Variants in ARHGAP35 observed in about 807,000 individuals in gnomAD.
ARHGAP35 encodes the protein rho GTPase-activating protein 35.
In ARHGAP35, 15 loss-of-function variants were observed where a neutral mutation model predicts 111.1. That is an observed-to-expected ratio of 0.13 (90% CI 0.09 to 0.21). The LOEUF is 0.21. Ranked by LOEUF, ARHGAP35 falls within the 10% of genes least tolerant of loss-of-function variation. The probability of loss-of-function intolerance (pLI) is 1.00; values close to 1 mark genes in which losing one functional copy is unlikely to be tolerated. For synonymous variants in ARHGAP35, 643 were observed against 710.3 expected (o/e 0.91, Z 1.51); for missense variants, 1,262 against 1,873.0 (o/e 0.67, Z 6.02).
At chr19:46,977,043 C>T (rs540165274) in intron 3 of ARHGAP35, among the ~76,000 whole-genome samples, 6 of 152,340 alleles carry the variant, frequency 3.9e-5, no homozygotes, top group African/African-American at 1.4e-4. Context: ...GTGTTACACT[C>T]ACTGTAAAAA....
intron 3 of ARHGAP35, among the ~76,000 whole-genome samples, chr19:46,960,318 C>T (rs554416877): frequency 6.6e-6 from 1 of 152,214 alleles, no homozygotes; most frequent in South Asian, 2.1e-4. Context: ...GAATACATGT[C>T]TCCTCCATGA....
At position 46,994,394 on chromosome 19, in the gene ARHGAP35, A is replaced by G. The variant is rs113953173; in HGVS notation, c.4036+4719A>G. Among the ~76,000 whole-genome samples the G allele has an allele frequency of 6.6e-6, 1 of 152,308 alleles. No homozygotes were observed. Among genetic ancestry groups the G allele is most frequent in the South Asian group, 2.1e-4 (1 of 4,824 alleles). ...ACAGACTGTGGCCCCAGCCTTCGGC[A>G]GCACCATAGGGTAGAAGGTGTCCAG... On this transcript the variant is annotated intron_variant, in intron 5 of 6. Coordinates refer to ENST00000672722, the MANE Select transcript of ARHGAP35 (RefSeq NM_004491.5). The surrounding 1 kb of genome is among the most constrained non-coding windows in gnomAD (Gnocchi z 5.4).
intron 1 of ARHGAP35, among the ~76,000 whole-genome samples, chr19:46,862,064 C>T (rs944676725): frequency 3.9e-5 from 6 of 152,160 alleles, no homozygotes; most frequent in African/African-American, 1.4e-4. Context: ...CTTCTCAGCT[C>T]TTGTTCCCGT....
At chr19:46,970,458 C>T (rs2056539826) in intron 3 of ARHGAP35, among the ~76,000 whole-genome samples, 1 of 152,188 alleles carries the variant, frequency 6.6e-6, no homozygotes, top group African/African-American at 2.4e-5. Context: ...AACCTAAGGT[C>T]TGTGGATAGG....
Position 47,001,604 on chromosome 19 carries a change from G to A in ARHGAP35, c.*916G>A, listed in dbSNP as rs1297761686. On this transcript the variant is annotated 3_prime_UTR_variant, in exon 7 of 7. Transcript: ENST00000672722. The surrounding 1 kb of genome is among the most constrained non-coding windows in gnomAD (Gnocchi z 5.4). Reference sequence around the variant, plus strand: ...CTTAGGTCTAGTCGCTAGATCCCCCGTTTTCCCAAGAAGAGGGTTCGAGCC... The same window carrying A: ...CTTAGGTCTAGTCGCTAGATCCCCCATTTTCCCAAGAAGAGGGTTCGAGCC... 9 of 375,098 alleles carry A rather than the reference G, an allele frequency of 2.4e-5. No homozygotes were observed. The highest frequency in any genetic ancestry group is 1.5e-4 in the East Asian group (2 of 13,716). 23.2% of individuals were successfully genotyped at this position (375,098 alleles called of 1,614,324 possible). A position where few individuals can be genotyped will look rare whatever the true frequency, so the allele number is the denominator to read the frequency against.
At chr19:46,866,711 C>T (rs1265314855) in intron 1 of ARHGAP35, among the ~76,000 whole-genome samples, 1 of 152,132 alleles carries the variant, frequency 6.6e-6, no homozygotes, top group Non-Finnish European at 1.5e-5. Flanking sequence ...GGGCTCTTTC[C>T]CTGGGAGATG....
At position 46,922,055 on chromosome 19, in the gene ARHGAP35, C is replaced by T. The variant is rs1362185528; in HGVS notation, c.3380C>T (p.Ser1127Phe). 1 of 1,613,914 alleles carries T rather than the reference C, an allele frequency of 6.2e-7. No individual in the cohort carries two copies. The change falls in exon 2 of 7, where the codon TCC becomes TTC. Residue 1127 changes from serine to phenylalanine, a missense_variant. Physicochemically the swap from Ser to Phe is radical, Grantham distance 155. Around this residue, in one of 8 missense-constraint regions of ARHGAP35, gnomAD observed 579 missense variants for 716.9 expected, o/e 0.81. Coordinates refer to ENST00000672722, the MANE Select transcript of ARHGAP35 (RefSeq NM_004491.5). The surrounding 1 kb of genome is among the most constrained non-coding windows in gnomAD (Gnocchi z 4.0). ...ATTCGGAATATCAACAAAGCCCAGT[C>T]CAACGGCAGCGGGAATGGTTCTGAC... ...ITIRNINKAQ[S>F]NGSGNGSDSE...
At chr19:46,931,410 G>A (rs755532123) in intron 2 of ARHGAP35, among the ~76,000 whole-genome samples, 1 of 152,044 alleles carries the variant, frequency 6.6e-6, no homozygotes, top group Non-Finnish European at 1.5e-5. Context: ...CTGTGGACTG[G>A]GCTTACAGCC....
chr19:46,888,333 T>TACACAC (rs72465629), intron 1 of ARHGAP35, among the ~76,000 whole-genome samples: 1,194 of 67,414 alleles, frequency 0.018, 32 homozygotes, highest in Non-Finnish European at 0.022. Context: ...ATTGATTTTA[T>TACACAC]ACACACACAC....
chr19:46,941,144 C>T (rs1035290165), intron 3 of ARHGAP35, among the ~76,000 whole-genome samples: 1 of 151,990 alleles, frequency 6.6e-6, no homozygotes, highest in African/African-American at 2.4e-5. Context: ...TACAAGAATG[C>T]GATTTATCAG....
intron 1 of ARHGAP35, among the ~76,000 whole-genome samples, chr19:46,868,864 CTTGAG>C (rs1165523002): frequency 2.4e-5 from 3 of 123,252 alleles, no homozygotes; most frequent in Admixed American, 1.6e-4. Flanking sequence ...CATCTTTCCT[CTTGAG>C]TTATTTAGGT....
rs1445797051 is a variant in ARHGAP35 at position 46,992,405 on chromosome 19, A to T, written c.4036+2730A>T. Among the ~76,000 whole-genome samples, 2 of 152,204 alleles carry T rather than the reference A, an allele frequency of 1.3e-5. No individual in the cohort carries two copies. Among genetic ancestry groups the T allele is most frequent in the Non-Finnish European group, 2.9e-5 (2 of 68,030 alleles). On this transcript the variant is annotated intron_variant, in intron 5 of 6. Transcript: ENST00000672722. This position sits in a 1 kb window ranked among gnomAD's most constrained non-coding sequence, Gnocchi z 4.4. ...AACCCCAGCAAGGAAGGCGCGAGGA[A>T]GAGGGCTTCACAGGGGAGATGGGCC...
Position 46,920,392 on chromosome 19 carries a change from T to G in ARHGAP35, c.1717T>G (p.Leu573Val), listed in dbSNP as rs375707432. Residue 573 changes from leucine to valine, a missense_variant, in exon 2 of 7, where the codon TTG (leucine) becomes GTG (valine). Leu to Val is a conservative substitution (Grantham distance 32). Around this residue, in one of 8 missense-constraint regions of ARHGAP35, gnomAD observed 328 missense variants for 440.8 expected, o/e 0.74. Coordinates refer to ENST00000672722, the MANE Select transcript of ARHGAP35 (RefSeq NM_004491.5). This position sits in a 1 kb window ranked among gnomAD's most constrained non-coding sequence, Gnocchi z 7.0. Reference sequence around the variant, plus strand: ...TTGTGTGGACGCTAAGATTGAGCACTTGATTAGTTCTCGGTTTATCCGGCC... The same window carrying G: ...TTGTGTGGACGCTAAGATTGAGCACGTGATTAGTTCTCGGTTTATCCGGCC... ...PACVDAKIEH[L>V]ISSRFIRPSD... 12 of 1,613,894 alleles carry G rather than the reference T, an allele frequency of 7.4e-6. No individual in the cohort carries two copies. The African/African-American group carries it at 1.6e-4, about 22-fold the overall frequency.
Position 47,001,348 on chromosome 19 carries a change from C to T in ARHGAP35, c.*660C>T, listed in dbSNP as rs1394802896. On this transcript the variant is annotated 3_prime_UTR_variant, in exon 7 of 7. Transcript: ENST00000672722. This position sits in a 1 kb window ranked among gnomAD's most constrained non-coding sequence, Gnocchi z 5.4. Reference sequence around the variant, plus strand: ...GTCCCACTCCACAGCCTTCCCGAAACATTCCCTGGCAAACAAAGGAACACT... The same window carrying T: ...GTCCCACTCCACAGCCTTCCCGAAATATTCCCTGGCAAACAAAGGAACACT... The T allele has an allele frequency of 1.6e-6, 2 of 1,290,178 alleles. No homozygotes were observed. Among genetic ancestry groups the T allele is most frequent in the Non-Finnish European group, 2.0e-6 (2 of 989,106 alleles). 79.9% of individuals were successfully genotyped at this position (1,290,178 alleles called of 1,614,324 possible).
chr19:46,873,689 A>ATGTG (rs928594378), intron 1 of ARHGAP35, among the ~76,000 whole-genome samples: 121 of 150,312 alleles, frequency 8.0e-4, no homozygotes, highest in African/African-American at 2.9e-3. Context: ...AAAATTAGTG[A>ATGTG]TGTGTTCCCT....
chr19:46,871,745 T>A (rs1424995185), intron 1 of ARHGAP35, among the ~76,000 whole-genome samples: 2 of 151,600 alleles, frequency 1.3e-5, no homozygotes, highest in African/African-American at 4.8e-5. Context: ...TGGGGAGGCC[T>A]AGGCAGGCGG....
At chr19:46,991,476 C>A (rs1035007866) in intron 5 of ARHGAP35, among the ~76,000 whole-genome samples, 5 of 152,358 alleles carry the variant, frequency 3.3e-5, no homozygotes, top group Non-Finnish European at 7.3e-5. Flanking sequence ...ACCCTTCCCA[C>A]AGCAGCTCTC....
chr19:46,906,861 G>A (rs1040888660), intron 1 of ARHGAP35, among the ~76,000 whole-genome samples: 4 of 152,142 alleles, frequency 2.6e-5, no homozygotes, highest in African/African-American at 9.7e-5. Context: ...GGCTGAGGTA[G>A]GCGGATCACA....
chr19:46,915,977 A>C (rs1211729271), intron 1 of ARHGAP35, among the ~76,000 whole-genome samples: 2 of 129,174 alleles, frequency 1.5e-5, no homozygotes, highest in South Asian at 4.8e-4. Context: ...GCTCTGTCGC[A>C]CAGGCTGGAG....
Sources: allele counts gnomAD v4.1 joint callset (sites outside exome capture counted in the v4.1 genomes callset), GRCh38; gene constraint gnomAD v4.1.1; regional missense constraint gnomAD v4.1.1; non-coding constraint Gnocchi (gnomAD v3.1); transcripts MANE v1.5; gene names NCBI Gene and HGNC (gene_info 2026-07-23, HGNC 2026-07-21).